PARG: variants seen among roughly 807,000 people sequenced by gnomAD.
The protein encoded by PARG is mitochondrial poly(ADP-ribose) glycohydrolase.
Under a neutral mutation model 113.0 loss-of-function variants are expected in PARG, and 35 were observed. That is an observed-to-expected ratio of 0.31 (90% CI 0.24 to 0.41). The LOEUF is 0.41. PARG is among the 10% of genes least tolerant of loss of function. The pLI, the probability that PARG is intolerant of heterozygous loss-of-function variation, is 1.00. For missense variants in PARG, 797 were observed against 1,169.4 expected (o/e 0.68, Z 4.64); for synonymous variants, 330 against 409.9 (o/e 0.81, Z 2.36).
At chr10:49,912,585 C>A (rs1837257773) in intron 7 of PARG, among the ~76,000 whole-genome samples, 1 of 152,086 alleles carries the variant, frequency 6.6e-6, no homozygotes, top group Admixed American at 6.6e-5. Context: ...ATGGCTTGAA[C>A]CCAGGAGGTG....
At position 49,835,682 on chromosome 10, in the gene PARG, C is replaced by T. The variant is rs1844881056; in HGVS notation, c.2542-2774G>A. ...ACAAAACTGGTATAAAGTCTACAGG[C>T]CCAAAATGAGGCCCAGGAAAGAAAT... On this transcript the variant is annotated intron_variant, in intron 15 of 17. Transcript: ENST00000616448. Among the ~76,000 whole-genome samples the T allele has an allele frequency of 3.3e-5, 5 of 151,910 alleles. No homozygotes were observed. In the South Asian group the frequency reaches 1.0e-3, roughly 32 times the overall value.
intron 6 of PARG, among the ~76,000 whole-genome samples, chr10:49,921,141 C>A (rs1837847037): frequency 6.6e-6 from 1 of 152,140 alleles, no homozygotes; most frequent in African/African-American, 2.4e-5. Context: ...CTTCATGGAT[C>A]TGTGTAGGAG....
At chr10:49,936,728 T>C (rs1216754023) in intron 1 of PARG, among the ~76,000 whole-genome samples, 17 of 152,190 alleles carry the variant, frequency 1.1e-4, no homozygotes, top group Non-Finnish European at 2.1e-4. Context: ...CTTTCTTATT[T>C]ACCTACCTCT....
intron 13 of PARG, among the ~76,000 whole-genome samples, chr10:49,844,389 G>A (rs541479987): frequency 3.9e-5 from 6 of 152,184 alleles, no homozygotes; most frequent in Non-Finnish European, 7.4e-5. Flanking sequence ...TTGGGAGTCC[G>A]AGGCTGGTGG....
At chr10:49,869,053 ACTC>A (rs1846662139) in intron 10 of PARG, among the ~76,000 whole-genome samples, 2 of 151,206 alleles carry the variant, frequency 1.3e-5, no homozygotes, top group Non-Finnish European at 3.0e-5. Context: ...TTTTATAAGA[ACTC>A]CACAAAGGGC....
intron 4 of PARG, among the ~76,000 whole-genome samples, chr10:49,926,313 A>G (rs1377239579): frequency 6.6e-6 from 1 of 151,868 alleles, no homozygotes; most frequent in East Asian, 1.9e-4. Flanking sequence ...GAAAGCTTCA[A>G]GGGAAATTCC....
intron 16 of PARG, among the ~76,000 whole-genome samples, chr10:49,827,388 T>C (rs1005927047): frequency 1.1e-4 from 16 of 152,212 alleles, no homozygotes; most frequent in Non-Finnish European, 1.8e-4. Context: ...GATAGTAAAC[T>C]GGCAATGGCA....
At chr10:49,915,600 A>G (rs1161604162) in intron 7 of PARG, among the ~76,000 whole-genome samples, 2 of 152,192 alleles carry the variant, frequency 1.3e-5, no homozygotes, top group Non-Finnish European at 2.9e-5. Context: ...AACTGAAGGT[A>G]AAACTGGATG....
chr10:49,856,667 A>G (rs1846004003), intron 13 of PARG, among the ~76,000 whole-genome samples: 1 of 152,162 alleles, frequency 6.6e-6, no homozygotes, highest in South Asian at 2.1e-4. Flanking sequence ...AACAGAATAC[A>G]TACTAGAGGC....
chr10:49,927,205 G>A (rs1554850789), intron 4 of PARG, among the ~76,000 whole-genome samples: 3 of 152,064 alleles, frequency 2.0e-5, no homozygotes, highest in African/African-American at 7.2e-5. Context: ...TACTTAGGAG[G>A]CTGAGGCAGG....
At chr10:49,897,513 C>A (rs1279224049) in intron 7 of PARG, among the ~76,000 whole-genome samples, 1 of 152,196 alleles carries the variant, frequency 6.6e-6, no homozygotes, top group African/African-American at 2.4e-5. Flanking sequence ...GTCCTCTGAT[C>A]TGTGAAACAC....
At chr10:49,901,379 G>A (rs1366579529) in intron 7 of PARG, among the ~76,000 whole-genome samples, 47 of 151,256 alleles carry the variant, frequency 3.1e-4, no homozygotes, top group Admixed American at 3.1e-3. Flanking sequence ...CTCCCAAAGT[G>A]CTAGAATTAC....
intron 13 of PARG, among the ~76,000 whole-genome samples, chr10:49,844,582 C>G (rs1419002964): frequency 6.7e-6 from 1 of 148,606 alleles, no homozygotes; most frequent in South Asian, 2.2e-4. Context: ...GAGATTGTGT[C>G]ACTTCACTCC....
chr10:49,834,102 A>T (rs1844799895), intron 15 of PARG, among the ~76,000 whole-genome samples: 1 of 152,222 alleles, frequency 6.6e-6, no homozygotes, highest in Admixed American at 6.5e-5. Flanking sequence ...TATAGAGCTT[A>T]CACAAGCGCT....
chr10:49,827,334 G>A lies in PARG; in HGVS notation c.2647+5469C>T, dbSNP rs1844409252. Among the ~76,000 whole-genome samples the A allele has an allele frequency of 2.0e-5, 3 of 152,136 alleles. No individual in the cohort carries two copies. In the South Asian group the frequency reaches 6.2e-4, roughly 32 times the overall value. Reference sequence around the variant, plus strand: ...TTAGGTACTGAAGGTAGGGAATGGGGATAGAAAAGAAAATGCAAAAAATGC... The same window carrying A: ...TTAGGTACTGAAGGTAGGGAATGGGAATAGAAAAGAAAATGCAAAAAATGC... On this transcript the variant is annotated intron_variant, in intron 16 of 17. Coordinates refer to ENST00000616448, the MANE Select transcript of PARG (RefSeq NM_003631.5).
At chr10:49,882,439 C>T (rs1413453090) in intron 8 of PARG, among the ~76,000 whole-genome samples, 1 of 151,966 alleles carries the variant, frequency 6.6e-6, no homozygotes, top group Non-Finnish European at 1.5e-5. Flanking sequence ...TTAACTTTCA[C>T]AGCAGAGATT....
intron 7 of PARG, among the ~76,000 whole-genome samples, chr10:49,907,810 G>A (rs1836937844): frequency 6.6e-6 from 1 of 152,124 alleles, no homozygotes; most frequent in South Asian, 2.1e-4. Context: ...CTAGCTGATA[G>A]AGATATAAAT....
chr10:49,892,878 T>TC (rs1440590201), intron 7 of PARG, among the ~76,000 whole-genome samples: 1 of 152,174 alleles, frequency 6.6e-6, no homozygotes, highest in East Asian at 1.9e-4. Context: ...GGTCAGGAGT[T>TC]CAAGACCAGC....
At chr10:49,929,934 T>C (rs1292688366) in intron 4 of PARG, among the ~76,000 whole-genome samples, 3 of 150,048 alleles carry the variant, frequency 2.0e-5, no homozygotes, top group Non-Finnish European at 3.0e-5. Flanking sequence ...AAAGTAGGAG[T>C]TAGGGATGAG....
Sources: allele counts gnomAD v4.1 joint callset (sites outside exome capture counted in the v4.1 genomes callset), GRCh38; gene constraint gnomAD v4.1.1; transcripts MANE v1.5; gene names NCBI Gene and HGNC (gene_info 2026-07-23, HGNC 2026-07-21).